CTNNA2: variants seen among roughly 807,000 people sequenced by gnomAD.
CTNNA2 encodes catenin alpha 2.
Under a neutral mutation model 101.0 loss-of-function variants are expected in CTNNA2, and 42 were observed. The ratio of observed to expected loss-of-function variants is 0.42; its 90% CI spans 0.32 to 0.54. CTNNA2 has a LOEUF of 0.54. CTNNA2 is among the 20% of genes least tolerant of loss of function. The pLI is 0.14. For missense variants in CTNNA2, 871 were observed against 1,223.1 expected (o/e 0.71, Z 4.29); for synonymous variants, 450 against 456.4 (o/e 0.99, Z 0.18).
At chr2:79,638,725 T>C (rs1011299177) in intron 1 of CTNNA2, among the ~76,000 whole-genome samples, 3 of 152,214 alleles carry the variant, frequency 2.0e-5, no homozygotes, top group African/African-American at 7.2e-5. Flanking sequence ...TAATTCCTTT[T>C]TAACTCACCA....
chr2:79,485,784 T>A (rs996638802), intron 4 of CTNNA2, among the ~76,000 whole-genome samples: 2 of 152,224 alleles, frequency 1.3e-5, no homozygotes, highest in Admixed American at 1.3e-4. Context: ...TTATTTTAGA[T>A]TCATAGATCT....
chr2:79,525,303 G>T (rs1028248559), intron 1 of CTNNA2, among the ~76,000 whole-genome samples: 1 of 151,812 alleles, frequency 6.6e-6, no homozygotes, highest in African/African-American at 2.4e-5. Flanking sequence ...GCTTAACATG[G>T]GTAGTATTTT....
chr2:79,868,675 C>G (rs1054110015), intron 4 of CTNNA2, among the ~76,000 whole-genome samples: 1 of 152,178 alleles, frequency 6.6e-6, no homozygotes, highest in Admixed American at 6.5e-5. Flanking sequence ...TTACAAGAGC[C>G]GATCTGAATT....
Position 80,244,145 on chromosome 2 carries a change from T to C in CTNNA2, c.1057-149066T>C, listed in dbSNP as rs967212651. On this transcript the variant is annotated intron_variant, in intron 7 of 18. Transcript: ENST00000402739. Reference sequence around the variant, plus strand: ...AATAACTAAAGAAGAACTTTTGCAGTATAGTGTTTGTCAGAACCGTGGTGT... The same window carrying C: ...AATAACTAAAGAAGAACTTTTGCAGCATAGTGTTTGTCAGAACCGTGGTGT... 3.2e-4 allele frequency among the ~76,000 whole-genome samples: 48 copies of C among 152,194 alleles called. 1 individual carries two copies. The highest frequency in any genetic ancestry group is 6.2e-4 in the South Asian group (3 of 4,828).
At chr2:80,122,707 T>C (rs1701907516) in intron 7 of CTNNA2, among the ~76,000 whole-genome samples, 1 of 152,176 alleles carries the variant, frequency 6.6e-6, no homozygotes, top group Non-Finnish European at 1.5e-5. Flanking sequence ...TATGTAGTTA[T>C]AGTATAGGTA....
chr2:79,329,519 A>G (rs1251776954), intron 3 of CTNNA2, among the ~76,000 whole-genome samples: 2 of 152,078 alleles, frequency 1.3e-5, no homozygotes, highest in Non-Finnish European at 2.9e-5. Context: ...GGCATCCCCT[A>G]CACTTGGCAG....
At chr2:80,513,519 T>A (rs73941158) in intron 9 of CTNNA2, among the ~76,000 whole-genome samples, 1 of 152,144 alleles carries the variant, frequency 6.6e-6, no homozygotes, top group African/African-American at 2.4e-5. Context: ...GTGGCCACTA[T>A]ATAGCTTTGT....
chr2:79,714,566 G>A (rs11895953), intron 2 of CTNNA2, among the ~76,000 whole-genome samples: 36,838 of 152,004 alleles, frequency 0.24, 5,980 homozygotes, highest in African/African-American at 0.47. Flanking sequence ...CATTCCATGT[G>A]TGTCTCAATG....
intron 3 of CTNNA2, among the ~76,000 whole-genome samples, chr2:79,324,379 C>A (rs988057349): frequency 2.6e-5 from 4 of 151,996 alleles, no homozygotes; most frequent in Non-Finnish European, 5.9e-5. Context: ...TGGTACCAGG[C>A]TCCAGGGCAT....
intron 7 of CTNNA2, chr2:80,305,305 G>C (rs550139659): frequency 2.0e-6 from 2 of 985,298 alleles, no homozygotes; most frequent in Non-Finnish European, 2.4e-6. Flanking sequence ...GGTGGTGTGA[G>C]ATCCAGTGTG....
chr2:80,228,539 T>A (rs939565907), intron 7 of CTNNA2, among the ~76,000 whole-genome samples: 4 of 152,174 alleles, frequency 2.6e-5, no homozygotes, highest in Non-Finnish European at 5.9e-5. Context: ...CCATAGCAGC[T>A]ATCGTATCTC....
chr2:80,164,873 C>T (rs1216093164), intron 7 of CTNNA2, among the ~76,000 whole-genome samples: 2 of 150,904 alleles, frequency 1.3e-5, no homozygotes, highest in Non-Finnish European at 2.9e-5. Context: ...TGTGCCACTT[C>T]CTTCTGGTCT....
chr2:79,245,864 A>G (rs979784182), intron 2 of CTNNA2, among the ~76,000 whole-genome samples: 1 of 152,042 alleles, frequency 6.6e-6, no homozygotes, highest in Admixed American at 6.6e-5. Flanking sequence ...TCTTCTCTCC[A>G]CAGTCAGGGA....
chr2:80,538,681 T>C (rs1353702759), intron 9 of CTNNA2, among the ~76,000 whole-genome samples: 3 of 152,236 alleles, frequency 2.0e-5, no homozygotes, highest in Non-Finnish European at 4.4e-5. Context: ...TTTGTTCTTT[T>C]TGCTTAGGAT....
At chr2:79,859,823 T>G (rs1238345304) in intron 4 of CTNNA2, among the ~76,000 whole-genome samples, 1 of 152,160 alleles carries the variant, frequency 6.6e-6, no homozygotes, top group Admixed American at 6.5e-5. Context: ...CATCTTGGTT[T>G]GGTATCTACT....
intron 7 of CTNNA2, among the ~76,000 whole-genome samples, chr2:80,082,770 A>G (rs967888931): frequency 6.6e-6 from 1 of 152,136 alleles, no homozygotes; most frequent in African/African-American, 2.4e-5. Flanking sequence ...TTTATATGCT[A>G]TAGCTTTAAA....
chr2:80,370,681 A>G (rs1409541672), intron 7 of CTNNA2, among the ~76,000 whole-genome samples: 1 of 152,194 alleles, frequency 6.6e-6, no homozygotes, highest in Non-Finnish European at 1.5e-5. Context: ...CAAAGAAGAA[A>G]ATGGCAAATA....
At chr2:79,988,927 A>G (rs958338354) in intron 7 of CTNNA2, among the ~76,000 whole-genome samples, 1 of 152,330 alleles carries the variant, frequency 6.6e-6, no homozygotes, top group Admixed American at 6.5e-5. Flanking sequence ...GAATGATAAA[A>G]GTTCTTTTAC....
chr2:79,810,682 C>T (rs983441220), intron 3 of CTNNA2, among the ~76,000 whole-genome samples: 14 of 151,684 alleles, frequency 9.2e-5, no homozygotes, highest in African/African-American at 3.4e-4. Context: ...CCCCCCTCCC[C>T]CCACTCCACA....
Sources: gnomAD v4.1 joint callset for allele counts (sites outside exome capture counted in the v4.1 genomes callset) on GRCh38, gnomAD v4.1.1 for gene constraint, MANE v1.5 for transcripts, NCBI Gene and HGNC (gene_info 2026-07-23, HGNC 2026-07-21) for gene names.